The following DOP1B variants were observed in gnomAD, a reference collection of about 807,000 sequenced individuals.
DOP1B encodes the protein protein DOP1B.
DOP1B carries 174 observed loss-of-function variants against 233.5 expected under a neutral mutation model. The ratio of observed to expected loss-of-function variants is 0.75; its 90% CI spans 0.66 to 0.85. The LOEUF (loss-of-function observed/expected upper bound fraction) is 0.85, where lower values mean the gene tolerates loss of function less well. DOP1B is among the 40% of genes least tolerant of loss of function. DOP1B has a pLI of 0.00. For missense variants in DOP1B, 2,652 were observed against 2,846.6 expected (o/e 0.93, Z 1.56); for synonymous variants, 1,190 against 1,185.6 (o/e 1.00, Z -0.08).
At chr21:36,266,262 C>T (rs1195328862) in intron 26 of DOP1B, among the ~76,000 whole-genome samples, 2 of 152,118 alleles carry the variant, frequency 1.3e-5, no homozygotes, top group South Asian at 2.1e-4. Context: ...CTGCAACCTC[C>T]GCCTCCCAGG....
chr21:36,204,136 G>A (rs1342595553), intron 4 of DOP1B, among the ~76,000 whole-genome samples: 1 of 152,108 alleles, frequency 6.6e-6, no homozygotes, highest in African/African-American at 2.4e-5. Flanking sequence ...TGTCACAACT[G>A]GGGGTGGGGA....
intron 36 of DOP1B, among the ~76,000 whole-genome samples, 165 bp from the exon 37 acceptor site, chr21:36,293,155 A>C (rs987261937): frequency 2.0e-5 from 3 of 150,066 alleles, no homozygotes; most frequent in African/African-American, 7.5e-5. Context: ...GCAGTGAGCC[A>C]AGATCACGCT....
intron 2 of DOP1B, among the ~76,000 whole-genome samples, chr21:36,192,798 C>T (rs1396667380): frequency 6.6e-6 from 1 of 152,120 alleles, no homozygotes; most frequent in Non-Finnish European, 1.5e-5. Flanking sequence ...CACCATTCTC[C>T]TGCCTCAGCC....
intron 13 of DOP1B, 120 bp from the exon 14 acceptor site, chr21:36,230,330 C>T: frequency 2.5e-6 from 3 of 1,218,350 alleles, no homozygotes; most frequent in African/African-American, 1.5e-5. Context: ...CACAGGGATT[C>T]TCTAGTCTGG....
rs1325069695 is a variant in DOP1B at position 36,267,441 on chromosome 21, C to T, written c.5488-2572C>T. ...TACCTACATTGGCCAGTATAGTAGC[C>T]GTTAGCCACAGGTGGCTGTTGAGCA... is the stretch of plus-strand genomic sequence containing the variant. On this transcript the variant is annotated intron_variant, in intron 26 of 36. Transcript: ENST00000691173. 2.6e-5 allele frequency among the ~76,000 whole-genome samples: 4 copies of T among 152,128 alleles called. No individual in the cohort carries two copies. The East Asian group carries it at 5.8e-4, about 22-fold the overall frequency.
At chr21:36,281,644 C>T (rs73902193) in intron 32 of DOP1B, 33 bp downstream of exon 32, 201,533 of 1,497,820 alleles carry the variant, frequency 0.13, 14,564 homozygotes, top group South Asian at 0.25. Flanking sequence ...TTTTTTGCTG[C>T]TATAACAGAA....
chr21:36,169,401 G>A, intron 2 of DOP1B: 1 of 884,940 alleles, frequency 1.1e-6, no homozygotes, highest in South Asian at 1.3e-5. Context: ...AAGGCCACAT[G>A]GTCAGGATGC....
At chr21:36,288,729 A>G (rs754905346) in intron 33 of DOP1B, 27 bp from the exon 34 acceptor site, 7 of 1,558,788 alleles carry the variant, frequency 4.5e-6, no homozygotes, top group South Asian at 2.3e-5. Flanking sequence ...TGTCTCAGAT[A>G]GTAACTTGAA....
At chr21:36,231,740 C>G (rs1033603462) in intron 14 of DOP1B, among the ~76,000 whole-genome samples, 2 of 149,738 alleles carry the variant, frequency 1.3e-5, no homozygotes, top group African/African-American at 4.9e-5. Flanking sequence ...TGTGGTGACA[C>G]CAACTCAGCT....
chr21:36,201,889 C>G (rs371646640), intron 4 of DOP1B, among the ~76,000 whole-genome samples: 1 of 151,692 alleles, frequency 6.6e-6, no homozygotes, highest in Non-Finnish European at 1.5e-5. Context: ...GAATCTGTTC[C>G]GACTATTGAG....
At chr21:36,247,664 TC>T in intron 20 of DOP1B, 36 bp downstream of exon 20, 2 of 1,456,626 alleles carry the variant, frequency 1.4e-6, no homozygotes, top group Non-Finnish European at 1.9e-6. Flanking sequence ...AAGGCAATTT[TC>T]ATGTATTGTT....
In DOP1B at chr21:36,169,548, C is replaced by T. The variant is rs2065951216; in HGVS notation, c.138+4677C>T. The T allele has an allele frequency of 2.7e-6, 3 of 1,119,792 alleles. No individual in the cohort carries two copies. In the Admixed American group the frequency reaches 5.3e-5, roughly 20 times the overall value. The allele number at this position is 1,119,792 out of a possible 1,614,324, so 69.4% of individuals were successfully genotyped here. A position where few individuals can be genotyped will look rare whatever the true frequency, so the allele number is the denominator to read the frequency against. ...ATGATGTCGATCATCTCGTCCAGCC[C>T]AAACGCTTGGTTCACAGGTACCTGC... is the stretch of plus-strand genomic sequence containing the variant. On this transcript the variant is annotated intron_variant, in intron 2 of 36. Coordinates refer to ENST00000691173, the MANE Select transcript of DOP1B (RefSeq NM_001320714.2).
chr21:36,170,006 C>T (rs1178223547), intron 2 of DOP1B: 4 of 750,432 alleles, frequency 5.3e-6, no homozygotes, highest in Non-Finnish European at 7.5e-6. Flanking sequence ...CTGTCGACTT[C>T]CCGTGTGATG....
Position 36,230,703 on chromosome 21 carries a change from A to G in DOP1B, c.1919A>G (p.Lys640Arg), listed in dbSNP as rs780380821. ...IQELIANFAS[K>R]NIFGVQLTAS... Reference sequence around the variant, plus strand: ...GAGCTAATCGCCAACTTTGCCAGCAAGAACATTTTTGGAGTACAGCTGACA... The same window carrying G: ...GAGCTAATCGCCAACTTTGCCAGCAGGAACATTTTTGGAGTACAGCTGACA... The change falls in exon 14 of 37, where the codon AAG (lysine) becomes AGG (arginine). Residue 640 changes from lysine to arginine, a missense_variant. Physicochemically the swap from Lys to Arg is conservative, Grantham distance 26. This residue lies in a region of DOP1B where 2,617 missense variants were observed against 2,794.3 expected (regional missense o/e 0.94). Transcript: ENST00000691173. 6.2e-7 allele frequency: 1 copy of G among 1,614,212 alleles called. No individual in the cohort carries two copies. The highest frequency in any genetic ancestry group is 1.7e-5 in the Admixed American group (1 of 60,022).
At chr21:36,181,588 T>G (rs1363602229) in intron 2 of DOP1B, among the ~76,000 whole-genome samples, 1 of 152,214 alleles carries the variant, frequency 6.6e-6, no homozygotes, top group Admixed American at 6.5e-5. Flanking sequence ...CCAGGACTCT[T>G]GTCTTCTTGA....
chr21:36,255,473 A>C (rs1337226530), intron 23 of DOP1B, among the ~76,000 whole-genome samples: 1 of 139,286 alleles, frequency 7.2e-6, no homozygotes, highest in Non-Finnish European at 1.6e-5. Flanking sequence ...TTAAGACAGG[A>C]TCTCACTGTC....
rs2123621397 is a variant in DOP1B at position 36,256,845 on chromosome 21, GT to G, written c.5259+2938del. ...TTCTCTTACCCCAAATATGCGGGGAGTTCTCCCCACCAGCAAGCAAGCAATT... is the reference window on the plus strand; with the variant it reads ...TTCTCTTACCCCAAATATGCGGGGAGTCTCCCCACCAGCAAGCAAGCAATT... On this transcript the variant is annotated intron_variant, in intron 23 of 36. Coordinates refer to ENST00000691173, the MANE Select transcript of DOP1B (RefSeq NM_001320714.2). 1.3e-5 allele frequency among the ~76,000 whole-genome samples: 2 copies of G among 152,222 alleles called. 1 individual carries two copies. The highest frequency in any genetic ancestry group is 4.2e-4 in the South Asian group (2 of 4,806).
rs1182776965 is a variant in DOP1B, at chr21:36,230,689, C to G, written c.1905C>G (p.Ala635=). The G allele has an allele frequency of 1.9e-6, 3 of 1,614,024 alleles. No individual in the cohort carries two copies. Among genetic ancestry groups the G allele is most frequent in the Non-Finnish European group, 2.5e-6 (3 of 1,180,046 alleles). ...TTCTTTGCATCCAAGAGCTAATCGC[C>G]AACTTTGCCAGCAAGAACATTTTTG... is the stretch of plus-strand genomic sequence containing the variant. ...RTFLCIQELI[A]NFASKNIFGV... Residue 635 remains alanine (A), a synonymous_variant, in exon 14 of 37, where the codon GCC becomes GCG. Transcript: ENST00000691173.
chr21:36,249,249 G>A (rs1281187797), intron 21 of DOP1B, among the ~76,000 whole-genome samples: 4 of 152,038 alleles, frequency 2.6e-5, no homozygotes, highest in Non-Finnish European at 5.9e-5. Context: ...CCAACATGGC[G>A]AAACCCCATC....
Sources: allele counts gnomAD v4.1 joint callset (sites outside exome capture counted in the v4.1 genomes callset), GRCh38; gene constraint gnomAD v4.1.1; regional missense constraint gnomAD v4.1.1; transcripts MANE v1.5; gene names NCBI Gene and HGNC (gene_info 2026-07-23, HGNC 2026-07-21).